The following RERE variants were observed in gnomAD, a reference collection of about 807,000 sequenced individuals.
The protein encoded by RERE is arginine-glutamic acid dipeptide repeats.
Under a neutral mutation model 146.1 loss-of-function variants are expected in RERE, and 40 were observed. That is an observed-to-expected ratio of 0.27 (90% confidence interval 0.21 to 0.36). The LOEUF (loss-of-function observed/expected upper bound fraction) is 0.36, where lower values mean the gene tolerates loss of function less well. RERE is among the 10% of genes least tolerant of loss of function. The probability of loss-of-function intolerance (pLI) is 1.00; values close to 1 mark genes in which losing one functional copy is unlikely to be tolerated. For synonymous variants in RERE, 1,003 were observed against 866.0 expected (o/e 1.16, Z -2.78); for missense variants, 1,933 against 2,138.7 (o/e 0.90, Z 1.90).
intron 4 of RERE, 55 bp from the exon 5 acceptor site, chr1:8,557,578 C>T: frequency 8.7e-7 from 1 of 1,148,322 alleles, no homozygotes; most frequent in East Asian, 2.3e-5. Context: ...GCCACAAGTG[C>T]ATATCATACC....
intron 1 of RERE, among the ~76,000 whole-genome samples, chr1:8,735,286 A>G (rs940420873): frequency 1.3e-5 from 2 of 152,244 alleles, no homozygotes; most frequent in South Asian, 2.1e-4. Context: ...AGCAGTTAGC[A>G]TAAGTGCACA....
At chr1:8,771,600 A>G (rs1640952351) in intron 1 of RERE, among the ~76,000 whole-genome samples, 1 of 151,614 alleles carries the variant, frequency 6.6e-6, no homozygotes, top group Admixed American at 6.6e-5. Flanking sequence ...TAATTAGCAT[A>G]TACTAATTTT....
At position 8,688,683 on chromosome 1, in the gene RERE, G is replaced by A. The variant is rs184375197; in HGVS notation, c.-144-32242C>T. 1.1e-4 allele frequency among the ~76,000 whole-genome samples: 17 copies of A among 152,290 alleles called. No homozygotes were observed. The East Asian group carries it at 3.1e-3, about 28-fold the overall frequency. On this transcript the variant is annotated intron_variant, in intron 1 of 22. Transcript: ENST00000400908. ...TAACTTGAGCATGGGAGCTATGATC[G>A]TGCCACTGGGCAAAACATCTATCTG... is the stretch of plus-strand genomic sequence containing the variant.
In RERE at chr1:8,359,871, T is replaced by C. The variant is rs746470778; in HGVS notation, c.3511A>G (p.Lys1171Glu). 6.2e-7 allele frequency: 1 copy of C among 1,612,802 alleles called. No homozygotes were observed. Among genetic ancestry groups the C allele is most frequent in the East Asian group, 2.2e-5 (1 of 44,864 alleles). The change falls in exon 19 of 23, where the codon AAG (lysine) becomes GAG (glutamate). Residue 1171 changes from lysine to glutamate, a missense_variant. By Grantham distance (56) the Lys-to-Glu change is moderately conservative. Around this residue, in one of 11 missense-constraint regions of RERE, gnomAD observed 1,255 missense variants for 1,153.8 expected, o/e 1.09. Coordinates refer to ENST00000400908, the MANE Select transcript of RERE (RefSeq NM_001042681.2). ...CGGGCTTTCTGCTCAGCCTCGCGCT[T>C]GGCCTTCTCAATGGCCTCCTCCCTC... ...KKREEAIEKA[K>E]REAEQKAREE...
At chr1:8,806,701 G>A (rs958670609) in intron 1 of RERE, 1 of 152,016 alleles carries the variant, frequency 6.6e-6, no homozygotes, top group African/African-American at 2.4e-5. Flanking sequence ...CAGATGATGG[G>A]CCTCTTCCTC....
intron 11 of RERE, among the ~76,000 whole-genome samples, chr1:8,455,576 A>G (rs1644444797): frequency 6.6e-6 from 1 of 152,196 alleles, no homozygotes; most frequent in African/African-American, 2.4e-5. Context: ...TACTGAGAGG[A>G]AAAGAACAGG....
intron 8 of RERE, among the ~76,000 whole-genome samples, chr1:8,505,671 C>G (rs1463328384): frequency 6.6e-6 from 1 of 152,100 alleles, no homozygotes; most frequent in Non-Finnish European, 1.5e-5. Flanking sequence ...GCTGGGACTA[C>G]AGACATGCAT....
chr1:8,665,112 T>G (rs1415963222), intron 1 of RERE, among the ~76,000 whole-genome samples: 1 of 152,204 alleles, frequency 6.6e-6, no homozygotes, highest in Non-Finnish European at 1.5e-5. Flanking sequence ...CCCAGAGTCC[T>G]TTGCTAAGGT....
intron 16 of RERE, among the ~76,000 whole-genome samples, chr1:8,362,259 G>C (rs1242896923): frequency 6.6e-6 from 1 of 152,188 alleles, no homozygotes; most frequent in East Asian, 1.9e-4. Context: ...ACCTAGGGAT[G>C]ATTTAGAGTC....
chr1:8,527,992 T>C (rs1432525057), intron 7 of RERE, among the ~76,000 whole-genome samples: 3 of 152,220 alleles, frequency 2.0e-5, no homozygotes, highest in Non-Finnish European at 4.4e-5. Context: ...CCTCTCTTAT[T>C]AGATTCTAAG....
chr1:8,414,272 C>T (rs555204238), intron 12 of RERE, among the ~76,000 whole-genome samples: 2 of 152,120 alleles, frequency 1.3e-5, no homozygotes, highest in East Asian at 1.9e-4. Context: ...GTCGGCCGGG[C>T]GTGGTGGCTC....
chr1:8,730,814 G>C (rs1640064770), intron 1 of RERE, among the ~76,000 whole-genome samples: 1 of 152,180 alleles, frequency 6.6e-6, no homozygotes, highest in African/African-American at 2.4e-5. Flanking sequence ...TGAACTGAAG[G>C]ACTAACGCTG....
intron 10 of RERE, among the ~76,000 whole-genome samples, chr1:8,468,526 T>C (rs1176484377): frequency 6.6e-6 from 1 of 152,216 alleles, no homozygotes; most frequent in Non-Finnish European, 1.5e-5. Context: ...CATAAATTTT[T>C]AATGAAAAGC....
At position 8,497,487 on chromosome 1, in the gene RERE, C is replaced by T. The variant is rs773682092; in HGVS notation, c.922G>A (p.Asp308Asn). Residue 308 changes from aspartate to asparagine, a missense_variant, in exon 9 of 23, where the codon GAT becomes AAT. Physicochemically the swap from Asp to Asn is conservative, Grantham distance 23. Around this residue, in one of 11 missense-constraint regions of RERE, gnomAD observed 260 missense variants for 378.4 expected, o/e 0.69. Coordinates refer to ENST00000400908, the MANE Select transcript of RERE (RefSeq NM_001042681.2). The stretch of plus-strand genomic sequence containing the variant: ...AGTTCCTCATGTTGGGTCACTGTAT[C>T]ACCATCTGGAGAAGGAAATGGTTGC... ...DLQPFPSPDGDTVTQHEELVW... is the reference protein window; with the variant it reads ...DLQPFPSPDGNTVTQHEELVW... 2 of 1,614,152 alleles carry T rather than the reference C, an allele frequency of 1.2e-6. No individual in the cohort carries two copies. The highest frequency in any genetic ancestry group is 8.5e-7 in the Non-Finnish European group (1 of 1,180,000).
intron 1 of RERE, among the ~76,000 whole-genome samples, chr1:8,803,253 G>C (rs1338872262): frequency 6.6e-6 from 1 of 152,052 alleles, no homozygotes; most frequent in Non-Finnish European, 1.5e-5. Context: ...CGAGGCGGGA[G>C]GATCACGAGA....
chr1:8,499,944 AC>A (rs1165863027), intron 8 of RERE, among the ~76,000 whole-genome samples: 7 of 152,194 alleles, frequency 4.6e-5, no homozygotes, highest in African/African-American at 1.7e-4. Flanking sequence ...ACACGGTGAA[AC>A]CCTGTCTCTA....
At chr1:8,451,441 C>CAA (rs34495671) in intron 11 of RERE, among the ~76,000 whole-genome samples, 5 of 151,508 alleles carry the variant, frequency 3.3e-5, no homozygotes, top group East Asian at 3.9e-4. Flanking sequence ...CAAAAAAGAA[C>CAA]AAAAAAAATA....
At chr1:8,757,047 G>A (rs1460153882) in intron 1 of RERE, among the ~76,000 whole-genome samples, 1 of 140,170 alleles carries the variant, frequency 7.1e-6, no homozygotes, top group Non-Finnish European at 1.5e-5. Context: ...CCGAGATTGT[G>A]CCATTGCACT....
At chr1:8,475,098 G>A (rs1256650487) in intron 10 of RERE, among the ~76,000 whole-genome samples, 3 of 152,184 alleles carry the variant, frequency 2.0e-5, no homozygotes, top group South Asian at 4.1e-4. Flanking sequence ...TCTTAGCCAC[G>A]TGCAGTGGCT....
Sources: gnomAD v4.1 joint callset for allele counts (sites outside exome capture counted in the v4.1 genomes callset) on GRCh38, gnomAD v4.1.1 for gene constraint, gnomAD v4.1.1 regional missense constraint, MANE v1.5 for transcripts, NCBI Gene and HGNC (gene_info 2026-07-23, HGNC 2026-07-21) for gene names.